ETV5: variants seen among roughly 807,000 people sequenced by gnomAD.
The protein encoded by ETV5 is ETS variant transcription factor 5, also known as ETS translocation variant 5.
ETV5 carries 10 observed loss-of-function variants against 70.0 expected under a neutral mutation model. That is an observed-to-expected ratio of 0.14 (90% CI 0.09 to 0.24). The LOEUF (loss-of-function observed/expected upper bound fraction) is 0.24. Among genes scored for constraint, ETV5 ranks in the 10% least tolerant of loss-of-function variants. The probability of loss-of-function intolerance (pLI) is 1.00; values close to 1 mark genes in which losing one functional copy is unlikely to be tolerated. For synonymous variants in ETV5, 216 were observed against 242.2 expected (o/e 0.89, Z 1.01); for missense variants, 453 against 651.2 (o/e 0.70, Z 3.31).
At chr3:186,108,610 G>A (rs1009573109) in intron 1 of ETV5, 156 of 1,198,900 alleles carry the variant, frequency 1.3e-4, no homozygotes, top group Admixed American at 1.1e-3. Flanking sequence ...CGAATCTCCA[G>A]AGACTGTGAA....
At chr3:186,107,949 C>T (rs1011244401) in intron 1 of ETV5, among the ~76,000 whole-genome samples, 3 of 151,750 alleles carry the variant, frequency 2.0e-5, no homozygotes, top group South Asian at 4.2e-4. Context: ...GACGCAGGCC[C>T]CTCACCCCAG....
chr3:186,075,445 C>CT (rs1357676708), intron 7 of ETV5, among the ~76,000 whole-genome samples: 14 of 152,044 alleles, frequency 9.2e-5, no homozygotes, highest in Non-Finnish European at 1.5e-4. Flanking sequence ...GGGTAATGAA[C>CT]TTTAAGAGAG....
intron 5 of ETV5, among the ~76,000 whole-genome samples, chr3:186,089,124 G>A (rs569978448): frequency 1.8e-4 from 27 of 152,286 alleles, no homozygotes; most frequent in African/African-American, 6.5e-4. Flanking sequence ...TTCACAAGGA[G>A]ATAAGGTTAA....
intron 1 of ETV5, among the ~76,000 whole-genome samples, chr3:186,107,362 T>C (rs1174681018): frequency 1.3e-5 from 2 of 151,854 alleles, no homozygotes; most frequent in South Asian, 2.1e-4. Flanking sequence ...AAAGAGAGAG[T>C]GCTCTGTCGC....
intron 9 of ETV5, among the ~76,000 whole-genome samples, chr3:186,061,688 C>T (rs1025682973): frequency 1.3e-5 from 2 of 152,138 alleles, no homozygotes; most frequent in African/African-American, 2.4e-5. Flanking sequence ...AGCCTTTGCC[C>T]AGAAGGGTAA....
At chr3:186,104,585 G>A (rs1714542665) in intron 5 of ETV5, among the ~76,000 whole-genome samples, 1 of 151,936 alleles carries the variant, frequency 6.6e-6, no homozygotes, top group South Asian at 2.1e-4. Flanking sequence ...TTAAGAAAAA[G>A]AGAAATATCA....
At chr3:186,070,265 G>C (rs1660494660) in intron 7 of ETV5, among the ~76,000 whole-genome samples, 1 of 152,158 alleles carries the variant, frequency 6.6e-6, no homozygotes, top group Non-Finnish European at 1.5e-5. Context: ...TCCTTTGATA[G>C]CTCCGAGATG....
chr3:186,056,940 C>G, intron 11 of ETV5, 135 bp downstream of exon 11: 1 of 948,420 alleles, frequency 1.1e-6, no homozygotes, highest in Non-Finnish European at 1.5e-6. Context: ...TACAGCCAAG[C>G]CCACTGGCCA....
chr3:186,055,312 G>T (rs1713130815), intron 11 of ETV5, among the ~76,000 whole-genome samples: 2 of 152,196 alleles, frequency 1.3e-5, no homozygotes, highest in Non-Finnish European at 2.9e-5. Context: ...AGTGAACCTA[G>T]GTGACATGCT....
chr3:186,091,031 C>A (rs1009243190), intron 5 of ETV5, among the ~76,000 whole-genome samples: 1 of 152,178 alleles, frequency 6.6e-6, no homozygotes, highest in African/African-American at 2.4e-5. Flanking sequence ...GGAATCAAGG[C>A]CCTCCATACG....
chr3:186,097,932 C>T (rs1714344643), intron 5 of ETV5, among the ~76,000 whole-genome samples: 1 of 152,210 alleles, frequency 6.6e-6, no homozygotes, highest in Non-Finnish European at 1.5e-5. Flanking sequence ...CCTCCATTCA[C>T]AACCAATTTG....
intron 5 of ETV5, among the ~76,000 whole-genome samples, chr3:186,090,027 T>C (rs1714144160): frequency 6.6e-6 from 1 of 152,174 alleles, no homozygotes; most frequent in African/African-American, 2.4e-5. Context: ...TACACAGAGA[T>C]GAAGCAAATG....
chr3:186,049,222 T>G (rs1232571497), intron 12 of ETV5, among the ~76,000 whole-genome samples: 1 of 152,214 alleles, frequency 6.6e-6, no homozygotes, highest in East Asian at 1.9e-4. Flanking sequence ...CCTGACCACA[T>G]TTTTAGTCAC....
At chr3:186,069,131 C>A (rs186933409) in intron 7 of ETV5, among the ~76,000 whole-genome samples, 3 of 152,304 alleles carry the variant, frequency 2.0e-5, no homozygotes, top group Admixed American at 1.3e-4. Flanking sequence ...CTGTTTACAT[C>A]AGGGTATAGC....
chr3:186,099,012 A>G (rs1243241874), intron 5 of ETV5, among the ~76,000 whole-genome samples: 1 of 152,128 alleles, frequency 6.6e-6, no homozygotes, highest in African/African-American at 2.4e-5. Flanking sequence ...TGCTCCCTGG[A>G]ATCTTGCACT....
At chr3:186,059,390 AG>A (rs753571469) in intron 9 of ETV5, among the ~76,000 whole-genome samples, 1 of 152,164 alleles carries the variant, frequency 6.6e-6, no homozygotes, top group Non-Finnish European at 1.5e-5. Context: ...GTTCTCATGG[AG>A]CCTGCATCTC....
Position 186,080,139 on chromosome 3 carries a change from G to C in ETV5, c.363-35C>G, listed in dbSNP as rs141350428. The C allele has an allele frequency of 7.7e-5, 111 of 1,446,576 alleles. No individual in the cohort carries two copies. The East Asian group carries it at 2.2e-3, about 28-fold the overall frequency. 89.6% of individuals were successfully genotyped at this position (1,446,576 alleles called of 1,614,324 possible). A position where few individuals can be genotyped will look rare whatever the true frequency, so the allele number is the denominator to read the frequency against. On this transcript the variant is annotated intron_variant, in intron 6 of 12. Transcript: ENST00000306376. ...GAAAAAGAGAAGGAACCATTAAGCT[G>C]AAATGAAGCCATTAGCATGGTTACC...
intron 9 of ETV5, among the ~76,000 whole-genome samples, chr3:186,064,006 A>AT (rs1463630934): frequency 3.3e-5 from 5 of 152,346 alleles, no homozygotes; most frequent in Admixed American, 6.5e-5. Flanking sequence ...CCTCACTGAC[A>AT]TAACTCCTAA....
chr3:186,104,111 A>G (rs1234881698), intron 5 of ETV5, among the ~76,000 whole-genome samples: 1 of 152,200 alleles, frequency 6.6e-6, no homozygotes, highest in Non-Finnish European at 1.5e-5. Context: ...AGAGACATGA[A>G]TTTCTCTATG....
Sources: allele counts gnomAD v4.1 joint callset (sites outside exome capture counted in the v4.1 genomes callset), GRCh38; gene constraint gnomAD v4.1.1; transcripts MANE v1.5; gene names NCBI Gene and HGNC (gene_info 2026-07-23, HGNC 2026-07-21).